The following TSPAN5 variants were observed in gnomAD, a reference collection of about 807,000 sequenced individuals.
TSPAN5 encodes the protein tetraspanin-5.
In TSPAN5, 10 loss-of-function variants were observed where a neutral mutation model predicts 37.1. The observed-to-expected ratio is 0.27, with a 90% CI of 0.17 to 0.46. TSPAN5 has a LOEUF of 0.46. Ranked by LOEUF, TSPAN5 falls within the 20% of genes least tolerant of loss-of-function variation. The probability of loss-of-function intolerance (pLI) is 1.00; values close to 1 mark genes in which losing one functional copy is unlikely to be tolerated. For missense variants in TSPAN5, 195 were observed against 326.6 expected (o/e 0.60, Z 3.11); for synonymous variants, 110 against 118.9 (o/e 0.93, Z 0.48).
intron 1 of TSPAN5, among the ~76,000 whole-genome samples, chr4:98,519,175 C>T (rs1753801064): frequency 6.6e-6 from 1 of 152,080 alleles, no homozygotes; most frequent in African/African-American, 2.4e-5. Context: ...TGGCAGGAAG[C>T]AGCAGGGTAC....
Position 98,658,390 on chromosome 4 carries a change from G to A in TSPAN5, c.-164C>T. The A allele has an allele frequency of 4.3e-6, 2 of 461,954 alleles. No individual in the cohort carries two copies. Among genetic ancestry groups the A allele is most frequent in the South Asian group, 3.9e-5 (1 of 25,912 alleles). 28.6% of individuals were successfully genotyped at this position (461,954 alleles called of 1,614,324 possible). A position where few individuals can be genotyped will look rare whatever the true frequency, so the allele number is the denominator to read the frequency against. On this transcript the variant is annotated 5_prime_UTR_variant, in exon 1 of 8. Transcript: ENST00000305798. The stretch of plus-strand genomic sequence containing the variant: ...GCGCGGGGACCGACCGGCGGAGAGC[G>A]GCTCCCGCACCTCCAGCCCCTCGCG...
chr4:98,624,215 G>A lies in TSPAN5; in HGVS notation c.81+33931C>T, dbSNP rs184704750. On this transcript the variant is annotated intron_variant, in intron 1 of 7. Transcript: ENST00000305798. ...CCTGTTTTACAGACAAAAGTTCAGG[G>A]GCAGAAGATCCAAATCTTACCTTTA... Among the ~76,000 whole-genome samples the A allele has an allele frequency of 2.7e-3, 412 of 151,842 alleles. 1 individual carries two copies. Among genetic ancestry groups the A allele is most frequent in the Non-Finnish European group, 4.7e-3 (319 of 67,924 alleles).
intron 2 of TSPAN5, among the ~76,000 whole-genome samples, chr4:98,504,831 C>G (rs1054281625): frequency 6.6e-6 from 1 of 151,966 alleles, no homozygotes. Flanking sequence ...GTCTGTTTAC[C>G]CCTGTCTTAG....
chr4:98,643,117 T>C (rs1756992832), intron 1 of TSPAN5, among the ~76,000 whole-genome samples: 1 of 152,216 alleles, frequency 6.6e-6, no homozygotes. Flanking sequence ...GCTCCATTCG[T>C]GGTAAGTGCC....
At chr4:98,587,957 T>C (rs1177521310) in intron 1 of TSPAN5, among the ~76,000 whole-genome samples, 1 of 151,928 alleles carries the variant, frequency 6.6e-6, no homozygotes, top group East Asian at 1.9e-4. Flanking sequence ...CCTATCCAAG[T>C]TTTCAAATAA....
At chr4:98,545,814 G>A (rs1754457213) in intron 1 of TSPAN5, among the ~76,000 whole-genome samples, 1 of 152,186 alleles carries the variant, frequency 6.6e-6, no homozygotes, top group Admixed American at 6.5e-5. Flanking sequence ...TTACAGGCGT[G>A]AGCCAGCACA....
intron 1 of TSPAN5, among the ~76,000 whole-genome samples, chr4:98,508,516 GTT>G (rs926393237): frequency 2.8e-5 from 4 of 140,406 alleles, no homozygotes; most frequent in African/African-American, 1.1e-4. Context: ...CCATTTTACT[GTT>G]TTTCTTTTTT....
intron 1 of TSPAN5, among the ~76,000 whole-genome samples, chr4:98,642,549 G>A (rs891973603): frequency 6.6e-6 from 1 of 152,050 alleles, no homozygotes; most frequent in Non-Finnish European, 1.5e-5. Context: ...AGTCTCTTAT[G>A]AATGAAAATA....
intron 1 of TSPAN5, among the ~76,000 whole-genome samples, chr4:98,550,956 A>G (rs1754601040): frequency 6.6e-6 from 1 of 152,136 alleles, no homozygotes; most frequent in Non-Finnish European, 1.5e-5. Context: ...CTCTTGTTCC[A>G]GTTCTTAAGG....
chr4:98,536,318 G>C (rs1448438032), intron 1 of TSPAN5, among the ~76,000 whole-genome samples: 2 of 152,184 alleles, frequency 1.3e-5, no homozygotes, highest in African/African-American at 4.8e-5. Context: ...TCTCAGCCCT[G>C]TTTGCCTGGG....
Position 98,470,836 on chromosome 4 carries a change from C to T in TSPAN5, c.*1686G>A, listed in dbSNP as rs1752564770. The T allele has an allele frequency of 6.6e-6, 1 of 152,200 alleles. No homozygotes were observed. The highest frequency in any genetic ancestry group is 2.4e-5 in the African/African-American group (1 of 41,434). The allele number at this position is 152,200 out of a possible 1,614,324, so 9.4% of individuals were successfully genotyped here. A position where few individuals can be genotyped will look rare whatever the true frequency, so the allele number is the denominator to read the frequency against. ...ACATTCATCGGCCACCACCATGCAC[C>T]ATGGGGCTGAAATGGAAAACCTCGC... On this transcript the variant is annotated 3_prime_UTR_variant, in exon 8 of 8. Transcript: ENST00000305798.
At chr4:98,486,159 G>T (rs997466113) in intron 3 of TSPAN5, among the ~76,000 whole-genome samples, 1 of 152,110 alleles carries the variant, frequency 6.6e-6, no homozygotes, top group African/African-American at 2.4e-5. Context: ...TGAACCCCCT[G>T]GTGAAACCTC....
At chr4:98,546,398 T>C (rs532865532) in intron 1 of TSPAN5, among the ~76,000 whole-genome samples, 1 of 152,140 alleles carries the variant, frequency 6.6e-6, no homozygotes, top group African/African-American at 2.4e-5. Flanking sequence ...CTGAGAGGTG[T>C]TTTCCAACTG....
intron 2 of TSPAN5, among the ~76,000 whole-genome samples, chr4:98,487,772 T>C (rs1168868051): frequency 6.6e-6 from 1 of 152,164 alleles, no homozygotes; most frequent in African/African-American, 2.4e-5. Context: ...CTCTTATTCT[T>C]CTTCCACAAG....
At chr4:98,564,209 C>A (rs1239240798) in intron 1 of TSPAN5, among the ~76,000 whole-genome samples, 1 of 152,156 alleles carries the variant, frequency 6.6e-6, no homozygotes, top group Non-Finnish European at 1.5e-5. Context: ...GCATTAGAAA[C>A]CTAAATGATA....
At chr4:98,479,656 G>T (rs1323672587) in intron 4 of TSPAN5, among the ~76,000 whole-genome samples, 2 of 152,174 alleles carry the variant, frequency 1.3e-5, no homozygotes, top group Non-Finnish European at 2.9e-5. Flanking sequence ...CCTCTTTAGG[G>T]TTAAGGCATA....
At chr4:98,540,529 G>T (rs1051610419) in intron 1 of TSPAN5, among the ~76,000 whole-genome samples, 3 of 152,130 alleles carry the variant, frequency 2.0e-5, no homozygotes, top group African/African-American at 4.8e-5. Context: ...GTAGAGATGG[G>T]GTTTCGCCAT....
At chr4:98,592,428 G>GTTTTTTTTTTTTTTTTTT (rs35941064) in intron 1 of TSPAN5, among the ~76,000 whole-genome samples, 2 of 119,100 alleles carry the variant, frequency 1.7e-5, no homozygotes, top group African/African-American at 6.3e-5. Flanking sequence ...TCTGTTTTTT[G>GTTTTTTTTTTTTTTTTTT]TTTTTTTTTT....
intron 1 of TSPAN5, among the ~76,000 whole-genome samples, chr4:98,612,982 G>T (rs1462294732): frequency 6.6e-6 from 1 of 152,076 alleles, no homozygotes; most frequent in South Asian, 2.1e-4. Context: ...TACAATTATG[G>T]TTTTTTCCCC....
Sources: allele counts gnomAD v4.1 joint callset (sites outside exome capture counted in the v4.1 genomes callset), GRCh38; gene constraint gnomAD v4.1.1; transcripts MANE v1.5; gene names NCBI Gene and HGNC (gene_info 2026-07-23, HGNC 2026-07-21).